CAMK2B: variants seen among roughly 807,000 people sequenced by gnomAD.
CAMK2B encodes the protein calcium/calmodulin-dependent protein kinase type II subunit beta.
CAMK2B carries 27 observed loss-of-function variants against 93.7 expected under a neutral mutation model. The ratio of observed to expected loss-of-function variants is 0.29; its 90% confidence interval spans 0.21 to 0.40. The LOEUF (loss-of-function observed/expected upper bound fraction) is 0.40. Ranked by LOEUF, CAMK2B falls within the 10% of genes least tolerant of loss-of-function variation. CAMK2B has a pLI of 1.00. For synonymous variants in CAMK2B, 374 were observed against 358.8 expected, an observed-to-expected ratio of 1.04 and a Z score of -0.48; for missense variants, 568 against 895.8, an observed-to-expected ratio of 0.63 and a Z score of 4.67.
chr7:44,254,154 G>A (rs186860220), intron 5 of CAMK2B, among the ~76,000 whole-genome samples: 5 of 152,190 alleles, frequency 3.3e-5, no homozygotes, highest in Admixed American at 2.0e-4. Flanking sequence ...TCCAGCAGCC[G>A]GGCCACAAAC....
rs1023751913 is a variant in CAMK2B, at chr7:44,246,718, A to G, written c.414+402T>C. Among the ~76,000 whole-genome samples the G allele has an allele frequency of 1.4e-4, 22 of 152,148 alleles. 1 individual carries two copies. ...ACAGGTGCAAGATGCACACACAAGC[A>G]TGTATACACACATGTGCACACACAC... On this transcript the variant is annotated intron_variant, in intron 6 of 23. Coordinates refer to ENST00000395749, the MANE Select transcript of CAMK2B (RefSeq NM_001220.5).
At chr7:44,241,602 C>A (rs2096679331) in intron 11 of CAMK2B, 98 bp downstream of exon 11, 2 of 879,616 alleles carry the variant, frequency 2.3e-6, no homozygotes, top group Non-Finnish European at 3.8e-6. Context: ...GCAGCAGTAA[C>A]CCCTAGGTCT....
chr7:44,258,139 AG>A (rs1361476455), intron 4 of CAMK2B, among the ~76,000 whole-genome samples: 1 of 152,252 alleles, frequency 6.6e-6, no homozygotes, highest in Non-Finnish European at 1.5e-5. Flanking sequence ...TAAATCCGGC[AG>A]GAAGTGAGAG....
At chr7:44,262,408 CA>C (rs1171181207) in intron 3 of CAMK2B, among the ~76,000 whole-genome samples, 1 of 152,224 alleles carries the variant, frequency 6.6e-6, no homozygotes, top group Admixed American at 6.5e-5. Flanking sequence ...GACTCTGGGC[CA>C]GGGTCACCTG....
At chr7:44,236,745 C>A (rs2096629988) in intron 13 of CAMK2B, among the ~76,000 whole-genome samples, 1 of 152,180 alleles carries the variant, frequency 6.6e-6, no homozygotes, top group Non-Finnish European at 1.5e-5. Context: ...CCTCTCAGCT[C>A]CCCTCCCATC....
chr7:44,226,757 G>A, intron 19 of CAMK2B, 113 bp from the exon 20 acceptor site: 6 of 664,860 alleles, frequency 9.0e-6, no homozygotes, highest in Non-Finnish European at 1.4e-5. Context: ...GCAGATGTGG[G>A]GGATGGGGCA....
At position 44,225,524 on chromosome 7, in the gene CAMK2B, C is replaced by G. The variant is rs369459222; in HGVS notation, c.1597+992G>C. 6.6e-6 allele frequency among the ~76,000 whole-genome samples: 1 copy of G among 152,170 alleles called. No homozygotes were observed. The highest frequency in any genetic ancestry group is 1.5e-5 in the Non-Finnish European group (1 of 68,010). Reference sequence around the variant, plus strand: ...TCAACCCCTGCTGGGGGTCCTCAGCCGACCACAGAAGCTCTGGGGGTGAGT... The same window carrying G: ...TCAACCCCTGCTGGGGGTCCTCAGCGGACCACAGAAGCTCTGGGGGTGAGT... On this transcript the variant is annotated intron_variant, in intron 20 of 23. Transcript: ENST00000395749. This position sits in a 1 kb window ranked among gnomAD's most constrained non-coding sequence, Gnocchi z 5.0.
intron 17 of CAMK2B, chr7:44,230,297 G>A (rs1308676039): frequency 1.3e-5 from 2 of 152,474 alleles, no homozygotes; most frequent in African/African-American, 2.4e-5. Context: ...GGACAGGTGA[G>A]AAGTTTTCTC....
intron 2 of CAMK2B, among the ~76,000 whole-genome samples, chr7:44,263,376 T>C (rs768428177): frequency 5.3e-5 from 8 of 152,224 alleles, no homozygotes; most frequent in Non-Finnish European, 1.2e-4. Context: ...CTCCACTTAT[T>C]TGTCCTAATT....
At chr7:44,239,726 G>T in intron 12 of CAMK2B, 63 bp from the exon 13 acceptor site, 2 of 1,148,412 alleles carry the variant, frequency 1.7e-6, no homozygotes, top group South Asian at 1.3e-5. Flanking sequence ...CGAGGGGTGG[G>T]CGAGGTAAGG....
chr7:44,234,581 G>GCC (rs2096608462), intron 14 of CAMK2B, 58 bp downstream of exon 14: 1 of 1,604,582 alleles, frequency 6.2e-7, no homozygotes, highest in Non-Finnish European at 8.5e-7. Context: ...CCAGGGCGTG[G>GCC]GGGTGAAGCT....
In CAMK2B at chr7:44,228,825, G is replaced by A. The variant is rs757353069; in HGVS notation, c.1439C>T (p.Pro480Leu). ...GGAGGACAGGGGGCCTAGGAGAGCC[G>A]GAGACAGGCAGGGCGGGGGCCCCGC... ...LSAGPPPCLS[P>L]ALLGPLSSPS... The change falls in exon 19 of 24, where the codon CCG becomes CTG. Residue 480 changes from proline (P) to leucine (L), a missense_variant. Pro to Leu is a moderately conservative substitution (Grantham distance 98). Transcript: ENST00000395749. 133 of 1,540,466 alleles carry A rather than the reference G, an allele frequency of 8.6e-5. 1 individual carries two copies. Among genetic ancestry groups the A allele is most frequent in the South Asian group, 1.4e-4 (11 of 80,186 alleles).
chr7:44,296,026 C>T (rs1352634758), intron 1 of CAMK2B, among the ~76,000 whole-genome samples: 3 of 152,162 alleles, frequency 2.0e-5, no homozygotes, highest in Non-Finnish European at 2.9e-5. Flanking sequence ...CACCACATCG[C>T]TTTTACCCGG....
intron 16 of CAMK2B, among the ~76,000 whole-genome samples, chr7:44,231,721 C>T (rs1053013424): frequency 6.6e-6 from 1 of 152,190 alleles, no homozygotes; most frequent in Non-Finnish European, 1.5e-5. Context: ...CCAGTCAGGC[C>T]CCGGCCTCAC....
At chr7:44,221,007 C>T in intron 20 of CAMK2B, 106 bp from the exon 21 acceptor site, 1 of 888,940 alleles carries the variant, frequency 1.1e-6, no homozygotes, top group Non-Finnish European at 1.8e-6. Flanking sequence ...TGCATCCATG[C>T]CGTGTTCCTG....
At chr7:44,237,352 A>G (rs1011780837) in intron 13 of CAMK2B, among the ~76,000 whole-genome samples, 1 of 152,246 alleles carries the variant, frequency 6.6e-6, no homozygotes, top group African/African-American at 2.4e-5. Context: ...AAAAGACAGA[A>G]GTTCACAGTC....
chr7:44,275,169 C>T (rs1475212973), intron 2 of CAMK2B, among the ~76,000 whole-genome samples: 2 of 152,166 alleles, frequency 1.3e-5, no homozygotes, highest in Non-Finnish European at 2.9e-5. Flanking sequence ...GTTCCTCCCT[C>T]ACCCCCTCCA....
At chr7:44,297,105 A>G (rs185526892) in intron 1 of CAMK2B, among the ~76,000 whole-genome samples, 6 of 152,378 alleles carry the variant, frequency 3.9e-5, no homozygotes, top group Non-Finnish European at 7.3e-5. Context: ...TCACTTATGG[A>G]TAAGTGAAAG....
intron 1 of CAMK2B, among the ~76,000 whole-genome samples, chr7:44,321,741 A>G (rs2116607091): frequency 6.6e-6 from 1 of 152,292 alleles, no homozygotes; most frequent in African/African-American, 2.4e-5. Context: ...TTGAAAAGAG[A>G]CAACTCCCCA....
Sources: allele counts gnomAD v4.1 joint callset (sites outside exome capture counted in the v4.1 genomes callset), GRCh38; gene constraint gnomAD v4.1.1; non-coding constraint Gnocchi (gnomAD v3.1); transcripts MANE v1.5; gene names NCBI Gene and HGNC (gene_info 2026-07-23, HGNC 2026-07-21).